PHACTR2: variants seen among roughly 807,000 people sequenced by gnomAD.
PHACTR2 encodes chromosome 6 open reading frame 56.
A neutral mutation model predicts 76.0 loss-of-function variants in PHACTR2; 30 were observed. That is an observed-to-expected ratio of 0.39 (90% CI 0.30 to 0.54). PHACTR2 has a LOEUF of 0.54. PHACTR2 is among the 20% of genes least tolerant of loss of function. The probability of loss-of-function intolerance (pLI) is 0.61; values close to 1 mark genes in which losing one functional copy is unlikely to be tolerated. For missense variants in PHACTR2, 696 were observed against 781.1 expected, an observed-to-expected ratio of 0.89 and a Z score of 1.30; for synonymous variants, 292 against 292.5, an observed-to-expected ratio of 1.00 and a Z score of 0.02.
rs1429429529 is a variant in PHACTR2, at chr6:143,820,463, G to A, written c.1923-3211G>A. ...CAAAGGGAGAAATCAGACAAAAGAAGGTGGCTACAGGCCCCATGCAAGTTC... is the reference window on the plus strand; with the variant it reads ...CAAAGGGAGAAATCAGACAAAAGAAAGTGGCTACAGGCCCCATGCAAGTTC... On this transcript the variant is annotated intron_variant, in intron 12 of 12. Coordinates refer to ENST00000440869, the MANE Select transcript of PHACTR2 (RefSeq NM_001100164.2). The surrounding 1 kb of genome is among the most constrained non-coding windows in gnomAD (Gnocchi z 4.2). Among the ~76,000 whole-genome samples, 1 of 152,196 alleles carries A rather than the reference G, an allele frequency of 6.6e-6. No individual in the cohort carries two copies. Among genetic ancestry groups the A allele is most frequent in the African/African-American group, 2.4e-5 (1 of 41,444 alleles).
chr6:143,606,920 A>T (rs1315477788), upstream of PHACTR2, among the ~76,000 whole-genome samples: 5 of 152,230 alleles, frequency 3.3e-5, no homozygotes, highest in Non-Finnish European at 7.4e-5. Context: ...TGAGGAAAAC[A>T]TTTCTGAACT....
intron 1 of PHACTR2, among the ~76,000 whole-genome samples, chr6:143,577,817 G>A (rs1324208388): frequency 6.6e-6 from 1 of 151,732 alleles, no homozygotes; most frequent in Non-Finnish European, 1.5e-5. Context: ...GAGCCTAGAA[G>A]CACCTGTTTA....
upstream of PHACTR2, among the ~76,000 whole-genome samples, chr6:143,676,761 T>C (rs775876666): frequency 6.6e-6 from 1 of 151,318 alleles, no homozygotes; most frequent in Non-Finnish European, 1.5e-5. This position sits in a 1 kb window ranked among gnomAD's most constrained non-coding sequence, Gnocchi z 4.8. Context: ...AAAAAATCAG[T>C]GTTTCTTAAG....
chr6:143,628,952 T>G (rs1309683702), intron 1 of PHACTR2, among the ~76,000 whole-genome samples: 622 of 56,046 alleles, frequency 0.011, 10 homozygotes, highest in South Asian at 0.031. Context: ...TATATATATA[T>G]ATATATATAT....
chr6:143,546,092 G>A lies in PHACTR2; in HGVS notation c.217+8885G>A, dbSNP rs1774990568. On this transcript the variant is annotated intron_variant, in intron 1 of 11. Coordinates refer to the PHACTR2 transcript ENST00000367584. The surrounding 1 kb of genome is among the most constrained non-coding windows in gnomAD (Gnocchi z 4.9). ...TAGTTTCGGTTACAGTGAAACTCAGGAAAAAACATTGAAGCAGCTTTAGTG... is the reference window on the plus strand; with the variant it reads ...TAGTTTCGGTTACAGTGAAACTCAGAAAAAAACATTGAAGCAGCTTTAGTG... Among the ~76,000 whole-genome samples the A allele has an allele frequency of 6.6e-6, 1 of 151,984 alleles. No individual in the cohort carries two copies. Among genetic ancestry groups the A allele is most frequent in the African/African-American group, 2.4e-5 (1 of 41,368 alleles).
intron 11 of PHACTR2, among the ~76,000 whole-genome samples, chr6:143,802,468 C>T (rs1775979052): frequency 6.8e-6 from 1 of 147,874 alleles, no homozygotes; most frequent in Non-Finnish European, 1.5e-5. Context: ...AGCAAAACCT[C>T]ATCTCCACAA....
Position 143,755,263 on chromosome 6 carries a change from A to T in PHACTR2, c.454+1351A>T, listed in dbSNP as rs1177655315. ...TTCAGTTGAAAGTATTAACGCAAGT[A>T]GTGATGTTTTTTGTTTAAGTCTTTC... On this transcript the variant is annotated intron_variant, in intron 4 of 12. Transcript: ENST00000440869. This position sits in a 1 kb window ranked among gnomAD's most constrained non-coding sequence, Gnocchi z 5.2. 2.2e-6 allele frequency: 1 copy of T among 456,092 alleles called. No individual in the cohort carries two copies. The highest frequency in any genetic ancestry group is 1.5e-5 in the South Asian group (1 of 64,564). The allele number at this position is 456,092 out of a possible 1,614,324, so 28.3% of individuals were successfully genotyped here. A position where few individuals can be genotyped will look rare whatever the true frequency, so the allele number is the denominator to read the frequency against.
At chr6:143,781,665 T>C (rs1775436937) in intron 9 of PHACTR2, among the ~76,000 whole-genome samples, 1 of 152,240 alleles carries the variant, frequency 6.6e-6, no homozygotes, top group Non-Finnish European at 1.5e-5. Flanking sequence ...GTTTATTATG[T>C]ATTTTGACAA....
At chr6:143,545,415 C>T (rs1306702399) in intron 1 of PHACTR2, among the ~76,000 whole-genome samples, 1 of 152,186 alleles carries the variant, frequency 6.6e-6, no homozygotes, top group African/African-American at 2.4e-5. Context: ...GACTCTGCAG[C>T]CTCCTGGGAA....
chr6:143,578,579 TA>T lies in PHACTR2; in HGVS notation c.217+41379del, dbSNP rs995747919. Among the ~76,000 whole-genome samples the T allele has an allele frequency of 1.3e-5, 2 of 152,138 alleles. No homozygotes were observed. The highest frequency in any genetic ancestry group is 2.1e-4 in the South Asian group (1 of 4,806). ...CAAGAAAAGGAGGAAAAGGACCTTTTAAAAAAATTTGCTGTTGACTTGGATG... is the reference window on the plus strand; with the variant it reads ...CAAGAAAAGGAGGAAAAGGACCTTTTAAAAAATTTGCTGTTGACTTGGATG... On this transcript the variant is annotated intron_variant, in intron 1 of 11. Transcript: ENST00000367584. The surrounding 1 kb of genome is among the most constrained non-coding windows in gnomAD (Gnocchi z 4.5).
Position 143,816,091 on chromosome 6 carries a change from G to A in PHACTR2, c.1923-7583G>A, listed in dbSNP as rs1776289147. On this transcript the variant is annotated intron_variant, in intron 12 of 12. Coordinates refer to ENST00000440869, the MANE Select transcript of PHACTR2 (RefSeq NM_001100164.2). This position sits in a 1 kb window ranked among gnomAD's most constrained non-coding sequence, Gnocchi z 4.5. ...AGTTTTAAAAGAAAGAAGAAAATAT[G>A]TATGACTTTAGATTGGAGTCTCAGG... Among the ~76,000 whole-genome samples the A allele has an allele frequency of 6.6e-6, 1 of 152,074 alleles. No individual in the cohort carries two copies. Among genetic ancestry groups the A allele is most frequent in the Admixed American group, 6.6e-5 (1 of 15,254 alleles).
rs1016174569 is a variant in PHACTR2 at position 143,562,455 on chromosome 6, A to G, written c.217+25248A>G. Among the ~76,000 whole-genome samples, 2 of 152,102 alleles carry G rather than the reference A, an allele frequency of 1.3e-5. No homozygotes were observed. Among genetic ancestry groups the G allele is most frequent in the African/African-American group, 2.4e-5 (1 of 41,404 alleles). On this transcript the variant is annotated intron_variant, in intron 1 of 11. Transcript: ENST00000367584. This position sits in a 1 kb window ranked among gnomAD's most constrained non-coding sequence, Gnocchi z 5.1. ...CAGGTCTCACGAGAACTCACTCACT[A>G]TTGCAAAGACAGCACCAAGCCATGA...
In PHACTR2 at chr6:143,757,564, A is replaced by G. The variant is rs987182532; in HGVS notation, c.455-2837A>G. On this transcript the variant is annotated intron_variant, in intron 4 of 12. Coordinates refer to ENST00000440869, the MANE Select transcript of PHACTR2 (RefSeq NM_001100164.2). This position sits in a 1 kb window ranked among gnomAD's most constrained non-coding sequence, Gnocchi z 4.2. ...GCTCAAAGGAGCCAAGCCTGGAAGT[A>G]TGGGAAACAGCTTGTTTTCCAGACC... 6.6e-6 allele frequency among the ~76,000 whole-genome samples: 1 copy of G among 152,202 alleles called. No individual in the cohort carries two copies. The highest frequency in any genetic ancestry group is 2.1e-4 in the South Asian group (1 of 4,834).
In PHACTR2 at chr6:143,549,808, C is replaced by A. The variant is rs973245327; in HGVS notation, c.217+12601C>A. On this transcript the variant is annotated intron_variant, in intron 1 of 11. Coordinates refer to the PHACTR2 transcript ENST00000367584. This position sits in a 1 kb window ranked among gnomAD's most constrained non-coding sequence, Gnocchi z 4.2. ...TGCAGGCCCTCACCTGTGTTAAAGT[C>A]ATGCTTAGGAGTGGGGGTGGGGTGT... 6.6e-6 allele frequency among the ~76,000 whole-genome samples: 1 copy of A among 151,764 alleles called. No individual in the cohort carries two copies. The highest frequency in any genetic ancestry group is 1.9e-4 in the East Asian group (1 of 5,186).
In PHACTR2 at chr6:143,558,889, A is replaced by C. The variant is rs749658249; in HGVS notation, c.217+21682A>C. ...CCCCTAAACACCTCCCTGATGATTGACCAGCTGAAATGCATGTGTATGGCT... is the reference window on the plus strand; with the variant it reads ...CCCCTAAACACCTCCCTGATGATTGCCCAGCTGAAATGCATGTGTATGGCT... On this transcript the variant is annotated intron_variant, in intron 1 of 11. Transcript: ENST00000367584. The surrounding 1 kb of genome is among the most constrained non-coding windows in gnomAD (Gnocchi z 4.7). 6.6e-6 allele frequency among the ~76,000 whole-genome samples: 1 copy of C among 152,158 alleles called. No individual in the cohort carries two copies. Among genetic ancestry groups the C allele is most frequent in the African/African-American group, 2.4e-5 (1 of 41,426 alleles).
chr6:143,590,078 G>A (rs1051569252), intron 1 of PHACTR2, among the ~76,000 whole-genome samples: 5 of 152,080 alleles, frequency 3.3e-5, no homozygotes, highest in South Asian at 4.1e-4. Context: ...TTTAAAATTC[G>A]TTAGTTTACT....
intron 1 of PHACTR2, among the ~76,000 whole-genome samples, chr6:143,575,183 A>C (rs1775491206): frequency 6.6e-6 from 1 of 152,234 alleles, no homozygotes; most frequent in African/African-American, 2.4e-5. Flanking sequence ...TCTACGAATT[A>C]ATTTCTCCAT....
chr6:143,753,259 T>A lies in PHACTR2; in HGVS notation c.296-495T>A, dbSNP rs971132155. Among the ~76,000 whole-genome samples the A allele has an allele frequency of 2.0e-5, 3 of 152,210 alleles. No individual in the cohort carries two copies. Among genetic ancestry groups the A allele is most frequent in the Non-Finnish European group, 4.4e-5 (3 of 68,030 alleles). Reference sequence around the variant, plus strand: ...TGAAGTTAGCACATCATATACTTAATATATTCTGGAACCAGTAGTACTTGG... The same window carrying A: ...TGAAGTTAGCACATCATATACTTAAAATATTCTGGAACCAGTAGTACTTGG... On this transcript the variant is annotated intron_variant, in intron 3 of 12. Transcript: ENST00000440869. This position sits in a 1 kb window ranked among gnomAD's most constrained non-coding sequence, Gnocchi z 4.6.
rs1445753260 is a variant in PHACTR2 at position 143,771,154 on chromosome 6, ATATGTATATATATATATATG to A, written c.1233-1100_1233-1081del. Among the ~76,000 whole-genome samples the A allele has an allele frequency of 2.0e-3, 103 of 51,238 alleles. 3 individuals are homozygous for A. Among genetic ancestry groups the A allele is most frequent in the African/African-American group, 0.011 (91 of 8,596 alleles). 33.6% of individuals were successfully genotyped at this position (51,238 alleles called of 152,430 possible). On this transcript the variant is annotated intron_variant, in intron 6 of 12. Transcript: ENST00000440869. Reference sequence around the variant, plus strand: ...TACATATATATATATGTATATATATATATGTATATATATATATATGTATATATATATATATGTGTGTATAT... The same window carrying A: ...TACATATATATATATGTATATATATATATATATATATATATGTGTGTATAT...
Sources: allele counts gnomAD v4.1 joint callset (sites outside exome capture counted in the v4.1 genomes callset), GRCh38; gene constraint gnomAD v4.1.1; non-coding constraint Gnocchi (gnomAD v3.1); transcripts MANE v1.5; gene names NCBI Gene and HGNC (gene_info 2026-07-23, HGNC 2026-07-21).